Variants in SUOX observed in about 807,000 individuals in gnomAD.
SUOX encodes sulfite oxidase.
Under a neutral mutation model 41.9 loss-of-function variants are expected in SUOX, and 39 were observed. The observed-to-expected ratio is 0.93, with a 90% CI of 0.72 to 1.21. The LOEUF (loss-of-function observed/expected upper bound fraction) is 1.21. Ranked by LOEUF, SUOX falls within the 50% of genes most tolerant of loss-of-function variation. The pLI, the probability that SUOX is intolerant of heterozygous loss-of-function variation, is 0.00. For missense variants in SUOX, 633 were observed against 689.5 expected (o/e 0.92, Z 0.92); for synonymous variants, 220 against 268.4 (o/e 0.82, Z 1.76).
chr12:56,000,200 G>A (rs1033127465), intron 2 of SUOX, among the ~76,000 whole-genome samples: 6 of 152,204 alleles, frequency 3.9e-5, no homozygotes, highest in African/African-American at 1.4e-4. Context: ...AGCAGGGGTC[G>A]GTGCTCCTCG....
chr12:55,999,288 C>T (rs1000226340), intron 2 of SUOX: 2 of 152,526 alleles, frequency 1.3e-5, no homozygotes, highest in South Asian at 2.1e-4. Flanking sequence ...GTAGATGGGA[C>T]CACAGGTGCG....
In SUOX at chr12:56,004,778, T is replaced by C. The variant is rs764903299; in HGVS notation, c.1389T>C (p.Ser463=). ...GGRAVIRVDV[S]LDGGLTWQVA... ...GGGCTGTGATCCGGGTGGATGTGTC[T>C]CTGGATGGGGGCCTAACCTGGCAGG... Residue 463 remains serine, a synonymous_variant, in exon 5 of 5, where the codon TCT becomes TCC. Coordinates refer to ENST00000266971, the MANE Select transcript of SUOX (RefSeq NM_001032386.2). This position sits in a 1 kb window ranked among gnomAD's most constrained non-coding sequence, Gnocchi z 4.5. 6.2e-7 allele frequency: 1 copy of C among 1,614,092 alleles called. No individual in the cohort carries two copies. The highest frequency in any genetic ancestry group is 8.5e-7 in the Non-Finnish European group (1 of 1,179,992).
rs1227148939 is a variant in SUOX at position 56,004,345 on chromosome 12, A to T, written c.956A>T (p.Glu319Val). The T allele has an allele frequency of 1.8e-5, 29 of 1,613,952 alleles. No individual in the cohort carries two copies. The highest frequency in any genetic ancestry group is 2.3e-5 in the Non-Finnish European group (27 of 1,180,002). ...LCETEAHVCF[E>V]GLDSDPTGTA... ...GAAACTGAGGCCCACGTCTGCTTTG[A>T]GGGACTGGACTCAGACCCTACTGGG... The change falls in exon 5 of 5, where the codon GAG becomes GTG. Residue 319 changes from glutamate (E) to valine (V), a missense_variant. Glu to Val is a moderately radical substitution (Grantham distance 121). Transcript: ENST00000266971. The surrounding 1 kb of genome is among the most constrained non-coding windows in gnomAD (Gnocchi z 4.5).
At position 56,003,761 on chromosome 12, in the gene SUOX, G is replaced by T; in HGVS notation, c.372G>T (p.Lys124Asn). The T allele has an allele frequency of 5.6e-6, 9 of 1,613,890 alleles. No individual in the cohort carries two copies. In the South Asian group the frequency reaches 9.9e-5, roughly 18 times the overall value. The part of the protein sequence containing the change: ...FVDLHPGGPS[K>N]LMLAAGGPLE... Reference sequence around the variant, plus strand: ...ACCTACATCCAGGGGGGCCTTCAAAGCTGATGCTAGCAGCTGGGGGTCCCC... The same window carrying T: ...ACCTACATCCAGGGGGGCCTTCAAATCTGATGCTAGCAGCTGGGGGTCCCC... Residue 124 changes from lysine to asparagine, a missense_variant, in exon 5 of 5, where the codon AAG becomes AAT. By Grantham distance (94) the Lys-to-Asn change is moderately conservative. Coordinates refer to ENST00000266971, the MANE Select transcript of SUOX (RefSeq NM_001032386.2).
intron 3 of SUOX, 131 bp from the exon 4 acceptor site, chr12:56,002,412 A>G: frequency 6.7e-7 from 1 of 1,499,424 alleles, no homozygotes; most frequent in Non-Finnish European, 9.2e-7. Context: ...CACTTTTCCC[A>G]CCTATCCCTG....
rs1486305222 is a variant in SUOX at position 56,003,704 on chromosome 12, C to A, written c.315C>A (p.Gly105=). 1 of 1,612,960 alleles carries A rather than the reference C, an allele frequency of 6.2e-7. No individual in the cohort carries two copies. The highest frequency in any genetic ancestry group is 2.2e-5 in the East Asian group (1 of 44,866). ...SPETGIWVTL[G]SEVFDVTEFV... is the part of the protein sequence containing the mutation. The stretch of plus-strand genomic sequence containing the variant: ...AGACTGGGATCTGGGTGACTCTGGG[C>A]TCTGAGGTCTTTGATGTCACAGAAT... Residue 105 remains glycine, a synonymous_variant, in exon 5 of 5, where the codon GGC becomes GGA. Transcript: ENST00000266971.
chr12:56,002,245 G>A lies in SUOX; in HGVS notation c.24G>A (p.Val8=), dbSNP rs779079524. 57 of 1,612,626 alleles carry A rather than the reference G, an allele frequency of 3.5e-5. No individual in the cohort carries two copies. The highest frequency in any genetic ancestry group is 4.5e-5 in the Non-Finnish European group (53 of 1,180,022). The change falls in exon 3 of 5, where the codon GTG becomes GTA. Residue 8 remains valine, a synonymous_variant. Coordinates refer to ENST00000266971, the MANE Select transcript of SUOX (RefSeq NM_001032386.2). Reference sequence around the variant, plus strand: ...CAATGCTGCTGCTGCACAGAGCTGTGGTCCTCAGGCTCCAACAGGCCTGCA... The same window carrying A: ...CAATGCTGCTGCTGCACAGAGCTGTAGTCCTCAGGCTCCAACAGGCCTGCA... MLLLHRA[V]VLRLQQACRL...
At chr12:56,000,288 C>T (rs1004954066) in intron 2 of SUOX, among the ~76,000 whole-genome samples, 4 of 152,222 alleles carry the variant, frequency 2.6e-5, no homozygotes, top group South Asian at 2.1e-4. Context: ...AGCCCTGCCC[C>T]GCGGGGAGGC....
chr12:55,999,957 G>A (rs985616329), intron 2 of SUOX, among the ~76,000 whole-genome samples: 1 of 152,186 alleles, frequency 6.6e-6, no homozygotes, highest in African/African-American at 2.4e-5. Flanking sequence ...TAGATACAGA[G>A]TGTTGATTGG....
chr12:56,002,041 T>G, intron 2 of SUOX, 171 bp from the exon 3 acceptor site: 1 of 1,486,612 alleles, frequency 6.7e-7, no homozygotes, highest in Non-Finnish European at 9.0e-7. Context: ...TCTGAAGTGC[T>G]CCAAGTTTTC....
intron 2 of SUOX, among the ~76,000 whole-genome samples, chr12:56,000,926 G>C (rs1006471802): frequency 6.6e-6 from 1 of 150,918 alleles, no homozygotes; most frequent in African/African-American, 2.4e-5. Flanking sequence ...GACTACAGGC[G>C]CCCGCCGCCA....
In SUOX at chr12:56,001,996, C is replaced by T. The variant is rs79099944; in HGVS notation, c.-10-216C>T. 14,914 of 1,429,536 alleles carry T rather than the reference C, an allele frequency of 0.01. 1,279 individuals are homozygous for T. In the African/African-American group the frequency reaches 0.19, roughly 18 times the overall value. 88.6% of individuals were successfully genotyped at this position (1,429,536 alleles called of 1,614,324 possible). A position where few individuals can be genotyped will look rare whatever the true frequency, so the allele number is the denominator to read the frequency against. ...CCATCCCTCCTACCCCATTCCCCACCCGCATTACCTGCCATCCTGTCAGCA... is the reference window on the plus strand; with the variant it reads ...CCATCCCTCCTACCCCATTCCCCACTCGCATTACCTGCCATCCTGTCAGCA... On this transcript the variant is annotated intron_variant, in intron 2 of 4. Coordinates refer to ENST00000266971, the MANE Select transcript of SUOX (RefSeq NM_001032386.2).
At position 56,004,962 on chromosome 12, in the gene SUOX, A is replaced by G. The variant is rs980891298; in HGVS notation, c.1573A>G (p.Ile525Val). 5 of 1,614,076 alleles carry G rather than the reference A, an allele frequency of 3.1e-6. No individual in the cohort carries two copies. The highest frequency in any genetic ancestry group is 1.1e-5 in the South Asian group (1 of 91,092). Residue 525 changes from isoleucine (I) to valine (V), a missense_variant, in exon 5 of 5, where the codon ATC becomes GTC. Physicochemically the swap from Ile to Val is conservative, Grantham distance 29. Transcript: ENST00000266971. This position sits in a 1 kb window ranked among gnomAD's most constrained non-coding sequence, Gnocchi z 4.5. Reference sequence around the variant, plus strand: ...TGTGCAGCCAGACACCGTGGCCCCAATCTGGAACCTGCGAGGTGTTCTCAG... The same window carrying G: ...TGTGCAGCCAGACACCGTGGCCCCAGTCTGGAACCTGCGAGGTGTTCTCAG... ...YNVQPDTVAP[I>V]WNLRGVLSNA...
At position 56,004,370 on chromosome 12, in the gene SUOX, G is replaced by A. The variant is rs1238310723; in HGVS notation, c.981G>A (p.Gly327=). Residue 327 remains glycine (G), a synonymous_variant, in exon 5 of 5, where the codon GGG becomes GGA. Transcript: ENST00000266971. The surrounding 1 kb of genome is among the most constrained non-coding windows in gnomAD (Gnocchi z 4.5). ...AGGGACTGGACTCAGACCCTACTGGGACTGCCTATGGAGCATCCATCCCTC... is the reference window on the plus strand; with the variant it reads ...AGGGACTGGACTCAGACCCTACTGGAACTGCCTATGGAGCATCCATCCCTC... ...CFEGLDSDPT[G]TAYGASIPLA... The A allele has an allele frequency of 1.2e-6, 2 of 1,613,970 alleles. No homozygotes were observed. Among genetic ancestry groups the A allele is most frequent in the African/African-American group, 1.3e-5 (1 of 74,914 alleles).
rs1322640680 is a variant in SUOX, at chr12:55,997,625, TCCCTCCCAAACC to T, written c.-108_-97del. On this transcript the variant is annotated 5_prime_UTR_variant, in exon 2 of 5. Transcript: ENST00000266971. The stretch of plus-strand genomic sequence containing the variant: ...ATTTCTGTATTACAGCAAAAGGCTG[TCCCTCCCAAACC>T]TGGGATTCTGGGCTCACTGAGTTCA... The T allele has an allele frequency of 1.3e-5, 2 of 152,342 alleles. No individual in the cohort carries two copies. Among genetic ancestry groups the T allele is most frequent in the African/African-American group, 4.8e-5 (2 of 41,428 alleles). 9.4% of individuals were successfully genotyped at this position (152,342 alleles called of 1,614,324 possible).
chr12:56,003,677 T>G lies in SUOX; in HGVS notation c.288T>G (p.Pro96=), dbSNP rs764352363. ...TKEEVSSHTS[P]ETGIWVTLGS... The stretch of plus-strand genomic sequence containing the variant: ...AGGAAGTGAGTTCCCACACCAGCCC[T>G]GAGACTGGGATCTGGGTGACTCTGG... The change falls in exon 5 of 5, where the codon CCT becomes CCG. Residue 96 remains proline (P), a synonymous_variant. Coordinates refer to ENST00000266971, the MANE Select transcript of SUOX (RefSeq NM_001032386.2). The G allele has an allele frequency of 1.2e-6, 2 of 1,613,668 alleles. No homozygotes were observed. The highest frequency in any genetic ancestry group is 1.1e-5 in the South Asian group (1 of 91,046).
intron 3 of SUOX, 80 bp from the exon 4 acceptor site, chr12:56,002,463 G>T: frequency 6.3e-7 from 1 of 1,592,900 alleles, no homozygotes; most frequent in South Asian, 1.1e-5. Flanking sequence ...TGGCCAACCA[G>T]GGAGAAAGAA....
Position 56,003,912 on chromosome 12 carries a change from C to A in SUOX, c.523C>A (p.Pro175Thr). 3 of 1,614,088 alleles carry A rather than the reference C, an allele frequency of 1.9e-6. No individual in the cohort carries two copies. Among genetic ancestry groups the A allele is most frequent in the Non-Finnish European group, 2.5e-6 (3 of 1,180,022 alleles). ...KVAPTVETSD[P>T]YADDPVRHPA... ...AGCCCCCACCGTGGAGACCTCTGAC[C>A]CTTATGCTGATGATCCTGTACGTCA... The change falls in exon 5 of 5, where the codon CCT becomes ACT. Residue 175 changes from proline to threonine, a missense_variant. Coordinates refer to ENST00000266971, the MANE Select transcript of SUOX (RefSeq NM_001032386.2).
chr12:56,003,251 T>G (rs1200899807), intron 4 of SUOX, among the ~76,000 whole-genome samples: 2 of 151,792 alleles, frequency 1.3e-5, no homozygotes, highest in Non-Finnish European at 2.9e-5. Context: ...CTTCTTATTC[T>G]TCTTCATTTT....
Sources: gnomAD v4.1 joint callset for allele counts (sites outside exome capture counted in the v4.1 genomes callset) on GRCh38, gnomAD v4.1.1 for gene constraint, Gnocchi (gnomAD v3.1) non-coding constraint, MANE v1.5 for transcripts, NCBI Gene and HGNC (gene_info 2026-07-23, HGNC 2026-07-21) for gene names.